Variants in PPID observed in about 807,000 individuals in gnomAD.
PPID encodes the protein peptidylprolyl isomerase D, also known as peptidyl-prolyl cis-trans isomerase D.
PPID carries 47 observed loss-of-function variants against 48.1 expected under a neutral mutation model. That is an observed-to-expected ratio of 0.98 (90% CI 0.77 to 1.25). PPID has a LOEUF of 1.25. Ranked by LOEUF, PPID falls within the 50% of genes most tolerant of loss-of-function variation. The pLI is 0.00. For synonymous variants in PPID, 163 were observed against 148.8 expected, an observed-to-expected ratio of 1.10 and a Z score of -0.69; for missense variants, 429 against 443.5, an observed-to-expected ratio of 0.97 and a Z score of 0.29.
At chr4:158,719,433 A>C in intron 2 of PPID, 147 bp from the exon 3 acceptor site, 1 of 601,798 alleles carries the variant, frequency 1.7e-6, no homozygotes, top group Non-Finnish European at 2.9e-6. Flanking sequence ...CGTCTCCGCA[A>C]CTCCAAACGC....
intron 5 of PPID, 77 bp downstream of exon 5, chr4:158,715,481 GAAAC>G: frequency 6.4e-7 from 1 of 1,554,782 alleles, no homozygotes; most frequent in Non-Finnish European, 8.8e-7. Flanking sequence ...ATGAGAGACT[GAAAC>G]AAAAGCTCAA....
At chr4:158,721,632 C>G (rs1469074629) in intron 1 of PPID, 149 bp from the exon 2 acceptor site, 1 of 771,934 alleles carries the variant, frequency 1.3e-6, no homozygotes, top group Non-Finnish European at 2.0e-6. Context: ...TTCAAGAACA[C>G]AACACATTGC....
Position 158,709,630 on chromosome 4 carries a change from A to C in PPID, c.*106T>G. On this transcript the variant is annotated 3_prime_UTR_variant, in exon 10 of 10. Transcript: ENST00000307720. ...CTAAACTGTAAACAGTAAGGAACTA[A>C]GGTGTCAAAAGAAACACATTAGGGA... 1 of 763,056 alleles carries C rather than the reference A, an allele frequency of 1.3e-6. No individual in the cohort carries two copies. The highest frequency in any genetic ancestry group is 2.1e-6 in the Non-Finnish European group (1 of 469,444). 47.3% of individuals were successfully genotyped at this position (763,056 alleles called of 1,614,324 possible).
In PPID at chr4:158,721,149, T is replaced by C. The variant is rs147496958; in HGVS notation, c.226+194A>G. 1.8e-4 allele frequency among the ~76,000 whole-genome samples: 28 copies of C among 152,316 alleles called. No homozygotes were observed. The East Asian group carries it at 3.3e-3, about 18-fold the overall frequency. The stretch of plus-strand genomic sequence containing the variant: ...AAAGCTAGGGGAGTCCATTTCTCTA[T>C]AGATAAACCTTAGTACCATAAGTAA... On this transcript the variant is annotated intron_variant, in intron 2 of 9. Transcript: ENST00000307720.
chr4:158,721,342 C>T lies in PPID; in HGVS notation c.226+1G>A, dbSNP rs1774955734. On this transcript the variant is annotated splice_donor_variant, in intron 2 of 9. Coordinates refer to ENST00000307720, the MANE Select transcript of PPID (RefSeq NM_005038.3). LOFTEE classifies it high-confidence loss of function. ...ACAAGATTAAGAAAATTTACACATA[C>T]TTCGATGAAAAGGGCATCCTTTGAA... The T allele has an allele frequency of 2.5e-6, 4 of 1,613,872 alleles. No homozygotes were observed. Among genetic ancestry groups the T allele is most frequent in the Non-Finnish European group, 3.4e-6 (4 of 1,179,802 alleles).
In PPID at chr4:158,709,383, T is replaced by G. The variant is rs17843963; in HGVS notation, c.*353A>C. 0.026 allele frequency: 4,435 copies of G among 169,042 alleles called. 62 individuals carry two copies. The highest frequency in any genetic ancestry group is 0.033 in the Admixed American group (531 of 16,134). 10.5% of individuals were successfully genotyped at this position (169,042 alleles called of 1,614,324 possible). On this transcript the variant is annotated 3_prime_UTR_variant, in exon 10 of 10. Transcript: ENST00000307720. Reference sequence around the variant, plus strand: ...CCCATCTCTACTAAAAATACAAAAATTAGCTGGGCGTGGTGGCACGTGCCT... The same window carrying G: ...CCCATCTCTACTAAAAATACAAAAAGTAGCTGGGCGTGGTGGCACGTGCCT...
intron 2 of PPID, among the ~76,000 whole-genome samples, chr4:158,719,707 C>T (rs915527646): frequency 2.6e-5 from 4 of 152,144 alleles, no homozygotes; most frequent in African/African-American, 9.7e-5. Flanking sequence ...ACACATAGTA[C>T]ATATTAGTTA....
intron 2 of PPID, among the ~76,000 whole-genome samples, chr4:158,720,140 A>G (rs1370080820): frequency 6.6e-6 from 1 of 152,212 alleles, no homozygotes; most frequent in African/African-American, 2.4e-5. Context: ...GAGAGCACAC[A>G]TTCATGTTTG....
intron 4 of PPID, 27 bp downstream of exon 4, chr4:158,716,985 T>C (rs2126334532): frequency 3.2e-6 from 5 of 1,581,004 alleles, no homozygotes; most frequent in South Asian, 1.1e-5. Flanking sequence ...AGATAATAAG[T>C]GTATTTCACT....
intron 6 of PPID, among the ~76,000 whole-genome samples, chr4:158,714,413 T>C (rs1248819083): frequency 1.3e-5 from 2 of 151,944 alleles, no homozygotes. Flanking sequence ...AACAAACACA[T>C]ACAGATGAAA....
intron 4 of PPID, among the ~76,000 whole-genome samples, chr4:158,716,267 G>T (rs1267901684): frequency 6.6e-6 from 1 of 151,980 alleles, no homozygotes; most frequent in Non-Finnish European, 1.5e-5. Context: ...AAGTACACAA[G>T]GGTCTTCAGA....
rs1774997633 is a variant in PPID, at chr4:158,723,385, G to A, written c.-97C>T. 1 of 1,267,030 alleles carries A rather than the reference G, an allele frequency of 7.9e-7. No individual in the cohort carries two copies. The highest frequency in any genetic ancestry group is 1.1e-6 in the Non-Finnish European group (1 of 893,124). The allele number at this position is 1,267,030 out of a possible 1,614,324, so 78.5% of individuals were successfully genotyped here. A position where few individuals can be genotyped will look rare whatever the true frequency, so the allele number is the denominator to read the frequency against. ...AGTCCGTCTCCGCCGGAGACCGGCA[G>A]CGACGCTGACCGGCCACTTCCGACG... On this transcript the variant is annotated 5_prime_UTR_variant, in exon 1 of 10. Transcript: ENST00000307720.
At chr4:158,718,466 T>C (rs1468179185) in intron 3 of PPID, among the ~76,000 whole-genome samples, 6 of 152,356 alleles carry the variant, frequency 3.9e-5, no homozygotes, top group African/African-American at 1.4e-4. Context: ...TATTCTCCAG[T>C]AGTCCCATGT....
chr4:158,723,305 G>C lies in PPID; in HGVS notation c.-17C>G. ...GTGCGACATCTTGACTTGCAGACGT[G>C]TTTAGTACGGAATATCAGAGTACCT... On this transcript the variant is annotated 5_prime_UTR_variant, in exon 1 of 10. Coordinates refer to ENST00000307720, the MANE Select transcript of PPID (RefSeq NM_005038.3). The C allele has an allele frequency of 6.2e-7, 1 of 1,610,226 alleles. No individual in the cohort carries two copies. The highest frequency in any genetic ancestry group is 1.1e-5 in the South Asian group (1 of 90,986).
rs749725944 is a variant in PPID, at chr4:158,721,484, C to T, written c.86-1G>A. The T allele has an allele frequency of 5.0e-6, 8 of 1,611,668 alleles. No individual in the cohort carries two copies. The African/African-American group carries it at 5.4e-5, about 11-fold the overall frequency. ...AACAATTCTAAGACAATTCGACCAA[C>T]TAAAAGAAAAGAAAATCTTGTCAGT... On this transcript the variant is annotated splice_acceptor_variant, in intron 1 of 9. Coordinates refer to ENST00000307720, the MANE Select transcript of PPID (RefSeq NM_005038.3). LOFTEE classifies it high-confidence loss of function.
At chr4:158,720,082 T>C (rs1372784074) in intron 2 of PPID, among the ~76,000 whole-genome samples, 5 of 152,174 alleles carry the variant, frequency 3.3e-5, no homozygotes, top group Admixed American at 6.5e-5. Flanking sequence ...AAGGTATTTA[T>C]TGGGCACACT....
intron 2 of PPID, among the ~76,000 whole-genome samples, chr4:158,719,701 A>G (rs1342136226): frequency 1.3e-5 from 2 of 152,228 alleles, no homozygotes; most frequent in Non-Finnish European, 2.9e-5. Flanking sequence ...GCATGTACAC[A>G]TAGTACATAT....
chr4:158,711,037 A>G (rs1403410223), intron 7 of PPID, among the ~76,000 whole-genome samples, 189 bp from the exon 8 acceptor site: 1 of 152,194 alleles, frequency 6.6e-6, no homozygotes, highest in Non-Finnish European at 1.5e-5. Flanking sequence ...ATGGACATGG[A>G]GGAGAAAGAC....
rs7672643 is a variant in PPID at position 158,720,204 on chromosome 4, G to C, written c.227-918C>G. 7.7e-3 allele frequency among the ~76,000 whole-genome samples: 1,168 copies of C among 152,312 alleles called. 17 individuals carry two copies. The highest frequency in any genetic ancestry group is 0.025 in the African/African-American group (1,023 of 41,554). On this transcript the variant is annotated intron_variant, in intron 2 of 9. Coordinates refer to ENST00000307720, the MANE Select transcript of PPID (RefSeq NM_005038.3). ...CATTACTATTTAGGAAATGGTACAA[G>C]TGTCAAGTTCCCAGACTCCAAACAA...
Sources: allele counts gnomAD v4.1 joint callset (sites outside exome capture counted in the v4.1 genomes callset), GRCh38; gene constraint gnomAD v4.1.1; transcripts MANE v1.5; gene names NCBI Gene and HGNC (gene_info 2026-07-23, HGNC 2026-07-21).